Variants in ING4 observed in about 807,000 individuals in gnomAD.
ING4 encodes the protein inhibitor of growth family member 4.
ING4 carries 28 observed loss-of-function variants against 33.1 expected under a neutral mutation model. That is an observed-to-expected ratio of 0.85 (90% CI 0.63 to 1.16). ING4 has a LOEUF of 1.16. ING4 is among the 50% of genes most tolerant of loss of function. The probability of loss-of-function intolerance (pLI) is 0.00; values close to 1 mark genes in which losing one functional copy is unlikely to be tolerated. For synonymous variants in ING4, 87 were observed against 104.4 expected (o/e 0.83, Z 1.02); for missense variants, 247 against 314.7 (o/e 0.78, Z 1.63).
chr12:6,656,819 A>G, intron 1 of ING4, 21 bp from the exon 2 acceptor site: 1 of 1,460,918 alleles, frequency 6.8e-7, no homozygotes, highest in South Asian at 1.3e-5. Context: ...GAGAGAAACA[A>G]TCACAGGACT....
rs1162726455 is a variant in ING4, at chr12:6,652,438, G to T, written c.498-20C>A. 6.2e-7 allele frequency: 1 copy of T among 1,612,494 alleles called. No homozygotes were observed. The highest frequency in any genetic ancestry group is 8.5e-7 in the Non-Finnish European group (1 of 1,178,828). ...GGACTTCTGCATGCCAAGAGGAAGA[G>T]AAAGTGTCATCTACAGGAAGGGAAG... On this transcript the variant is annotated intron_variant, in intron 5 of 7. Transcript: ENST00000341550.
intron 1 of ING4, among the ~76,000 whole-genome samples, chr12:6,659,636 C>T (rs188045176): frequency 6.6e-5 from 10 of 152,110 alleles, no homozygotes; most frequent in Admixed American, 2.0e-4. Context: ...CATGGTGAAA[C>T]CCCGTCTCTA....
At chr12:6,656,574 C>G (rs1949359797) in intron 2 of ING4, 153 bp downstream of exon 2, 2 of 608,008 alleles carry the variant, frequency 3.3e-6, no homozygotes, top group Admixed American at 3.5e-5. Flanking sequence ...AAATGAGGAT[C>G]ATTATCCTGT....
chr12:6,661,732 C>T (rs919206354), intron 1 of ING4, among the ~76,000 whole-genome samples: 5 of 151,904 alleles, frequency 3.3e-5, no homozygotes, highest in African/African-American at 1.2e-4. Context: ...AGCCTGTCTA[C>T]CTCACTTTCT....
chr12:6,655,875 T>A lies in ING4; in HGVS notation c.109+852A>T, dbSNP rs1452868362. The A allele has an allele frequency of 6.6e-6, 3 of 456,248 alleles. No individual in the cohort carries two copies. The East Asian group carries it at 2.1e-4, about 32-fold the overall frequency. 28.3% of individuals were successfully genotyped at this position (456,248 alleles called of 1,614,324 possible). On this transcript the variant is annotated intron_variant, in intron 2 of 7. Transcript: ENST00000341550. ...AGTGAATGCCCCAATGCAGCCAAATTTGCTCAATGTTCCAGGCTGGAGATG... is the reference window on the plus strand; with the variant it reads ...AGTGAATGCCCCAATGCAGCCAAATATGCTCAATGTTCCAGGCTGGAGATG...
chr12:6,652,545 A>AT, intron 5 of ING4, 117 bp downstream of exon 5: 1 of 1,371,600 alleles, frequency 7.3e-7, no homozygotes, highest in Non-Finnish European at 1.0e-6. Flanking sequence ...TACCAAAATG[A>AT]TAAGAAGAGT....
At chr12:6,658,648 T>G (rs1949449199) in intron 1 of ING4, among the ~76,000 whole-genome samples, 1 of 152,090 alleles carries the variant, frequency 6.6e-6, no homozygotes, top group African/African-American at 2.4e-5. Context: ...ATCACGCCAA[T>G]GCACTCCAGC....
chr12:6,656,615 C>T (rs914821363), intron 2 of ING4, 112 bp downstream of exon 2: 17 of 685,404 alleles, frequency 2.5e-5, no homozygotes, highest in African/African-American at 1.3e-4. Flanking sequence ...AAAAAAGGAG[C>T]GAGAGAAGCC....
In ING4 at chr12:6,650,778, A is replaced by C. The variant is rs1949156378; in HGVS notation, c.*417T>G. The C allele has an allele frequency of 5.7e-6, 1 of 175,804 alleles. No individual in the cohort carries two copies. The highest frequency in any genetic ancestry group is 1.2e-5 in the Non-Finnish European group (1 of 81,440). 10.9% of individuals were successfully genotyped at this position (175,804 alleles called of 1,614,324 possible). A position where few individuals can be genotyped will look rare whatever the true frequency, so the allele number is the denominator to read the frequency against. Reference sequence around the variant, plus strand: ...GAAAAAAGCAGGAAGGGAATGGAGAAGAAAAGTGTTGATCACACCTAGCCC... The same window carrying C: ...GAAAAAAGCAGGAAGGGAATGGAGACGAAAAGTGTTGATCACACCTAGCCC... On this transcript the variant is annotated 3_prime_UTR_variant, in exon 8 of 8. Coordinates refer to ENST00000341550, the MANE Select transcript of ING4 (RefSeq NM_016162.4).
At chr12:6,656,911 T>C in intron 1 of ING4, 113 bp from the exon 2 acceptor site, 1 of 619,674 alleles carries the variant, frequency 1.6e-6, no homozygotes, top group Non-Finnish European at 2.7e-6. Flanking sequence ...CCCAGCACTT[T>C]GGGAGGCCAA....
In ING4 at chr12:6,656,620, G is replaced by A. The variant is rs1469311040; in HGVS notation, c.109+107C>T. On this transcript the variant is annotated intron_variant, in intron 2 of 7. Transcript: ENST00000341550. ...CCAAGAGCGTAAAAAAGGAGCGAGA[G>A]AAGCCACAGTTCTCCAGATCATACC... 13 of 702,312 alleles carry A rather than the reference G, an allele frequency of 1.9e-5. No homozygotes were observed. The East Asian group carries it at 3.8e-4, about 21-fold the overall frequency. 43.5% of individuals were successfully genotyped at this position (702,312 alleles called of 1,614,324 possible). A position where few individuals can be genotyped will look rare whatever the true frequency, so the allele number is the denominator to read the frequency against.
intron 1 of ING4, among the ~76,000 whole-genome samples, chr12:6,662,392 C>T (rs1470767718): frequency 6.6e-6 from 1 of 151,990 alleles, no homozygotes; most frequent in East Asian, 1.9e-4. Flanking sequence ...AGGGCAGGAG[C>T]CTTGTCTTAC....
chr12:6,653,287 GC>G lies in ING4; in HGVS notation c.218del (p.Gly73AlafsTer89). On this transcript the variant is annotated frameshift_variant, in exon 3 of 8. Coordinates refer to ENST00000341550, the MANE Select transcript of ING4 (RefSeq NM_016162.4). LOFTEE classifies it high-confidence loss of function. The part of the protein sequence containing the change: ...ALLKQIQEAY[G>X]KCKEFGDDKV... The stretch of plus-strand genomic sequence containing the variant: ...TGTCGTCACCAAATTCCTTGCACTT[GC>G]CATAGGCTTCCTGGATCTGTTTGAG... The G allele has an allele frequency of 1.2e-6, 2 of 1,614,114 alleles. No individual in the cohort carries two copies. Among genetic ancestry groups the G allele is most frequent in the South Asian group, 1.1e-5 (1 of 91,072 alleles).
intron 1 of ING4, 38 bp from the exon 2 acceptor site, chr12:6,656,836 G>T: frequency 7.9e-7 from 1 of 1,272,276 alleles, no homozygotes; most frequent in Non-Finnish European, 1.1e-6. Flanking sequence ...GACTGACTAT[G>T]CATAGGCCTT....
At chr12:6,658,576 C>T (rs1949445915) in intron 1 of ING4, among the ~76,000 whole-genome samples, 2 of 152,158 alleles carry the variant, frequency 1.3e-5, no homozygotes. Context: ...ATCCCAGCTA[C>T]TTGGGAGGCT....
At chr12:6,653,704 G>A (rs11064303) in intron 2 of ING4, among the ~76,000 whole-genome samples, 2,996 of 152,298 alleles carry the variant, frequency 0.02, 78 homozygotes, top group Admixed American at 0.068. Flanking sequence ...GTTTGAAGAT[G>A]CTTCTTTGAA....
At chr12:6,654,506 TA>T (rs984340230) in intron 2 of ING4, among the ~76,000 whole-genome samples, 12 of 151,660 alleles carry the variant, frequency 7.9e-5, no homozygotes, top group Non-Finnish European at 1.8e-4. Flanking sequence ...ATAATTTTTT[TA>T]AAAAAATTAT....
chr12:6,663,091 C>G lies in ING4; in HGVS notation c.11G>C (p.Gly4Ala), dbSNP rs1949611505. Residue 4 changes from glycine (G) to alanine (A), a missense_variant, in exon 1 of 8, where the codon GGG becomes GCG. By Grantham distance (60) the Gly-to-Ala change is moderately conservative. Around this residue, in one of 3 missense-constraint regions of ING4, gnomAD observed 198 missense variants for 221.2 expected, o/e 0.89. Coordinates refer to ENST00000341550, the MANE Select transcript of ING4 (RefSeq NM_016162.4). MAA[G>A]MYLEHYLDSI... is the part of the protein sequence containing the mutation. ...GTCCAGATAATGTTCCAAATACATC[C>G]CCGCAGCCATCTCGAAGCAAAACAA... The G allele has an allele frequency of 1.2e-6, 2 of 1,614,190 alleles. No homozygotes were observed. The highest frequency in any genetic ancestry group is 1.7e-6 in the Non-Finnish European group (2 of 1,180,038).
intron 7 of ING4, 24 bp downstream of exon 7, chr12:6,651,300 G>A (rs1456627364): frequency 6.2e-7 from 1 of 1,614,096 alleles, no homozygotes; most frequent in Non-Finnish European, 8.5e-7. Context: ...TCAACTTAGG[G>A]ACCCTCCAAC....
Sources: allele counts gnomAD v4.1 joint callset (sites outside exome capture counted in the v4.1 genomes callset), GRCh38; gene constraint gnomAD v4.1.1; regional missense constraint gnomAD v4.1.1; transcripts MANE v1.5; gene names NCBI Gene and HGNC (gene_info 2026-07-23, HGNC 2026-07-21).